APBB1: variants seen among roughly 807,000 people sequenced by gnomAD.
The protein encoded by APBB1 is adaptor protein FE65a2.
APBB1 carries 22 observed loss-of-function variants against 78.4 expected under a neutral mutation model. The observed-to-expected ratio is 0.28, with a 90% CI of 0.20 to 0.40. The LOEUF (loss-of-function observed/expected upper bound fraction) is 0.40. APBB1 is among the 10% of genes least tolerant of loss of function. The pLI is 1.00. For synonymous variants in APBB1, 369 were observed against 372.7 expected, an observed-to-expected ratio of 0.99 and a Z score of 0.12; for missense variants, 749 against 932.4, an observed-to-expected ratio of 0.80 and a Z score of 2.56.
At chr11:6,418,233 A>G (rs1849169834) in intron 1 of APBB1, among the ~76,000 whole-genome samples, 1 of 152,196 alleles carries the variant, frequency 6.6e-6, no homozygotes, top group Non-Finnish European at 1.5e-5. Flanking sequence ...CCCACCGAAT[A>G]CTACTCAAAG....
intron 1 of APBB1, among the ~76,000 whole-genome samples, chr11:6,414,806 C>A (rs1849079807): frequency 6.6e-6 from 1 of 152,142 alleles, no homozygotes; most frequent in Admixed American, 6.5e-5. Flanking sequence ...ACGACTCTGC[C>A]ATGCTCAGAG....
chr11:6,414,908 G>A (rs980880399), intron 1 of APBB1, among the ~76,000 whole-genome samples: 4 of 152,204 alleles, frequency 2.6e-5, no homozygotes, highest in African/African-American at 9.7e-5. Flanking sequence ...CTAGGCACTA[G>A]GAGATATGAT....
rs1362304707 is a variant in APBB1 at position 6,403,091 on chromosome 11, G to A, written c.1104+54C>T. ...CCCTCAGAGCACAACATTAGGGGCT[G>A]TCTGACAAATAAGAGGGCCCCAGAC... is the stretch of plus-strand genomic sequence containing the variant. On this transcript the variant is annotated intron_variant, in intron 6 of 14. Coordinates refer to ENST00000609360, the MANE Select transcript of APBB1 (RefSeq NM_001164.5). The surrounding 1 kb of genome is among the most constrained non-coding windows in gnomAD (Gnocchi z 5.3). The A allele has an allele frequency of 6.6e-7, 1 of 1,523,324 alleles. No individual in the cohort carries two copies. The highest frequency in any genetic ancestry group is 1.4e-5 in the African/African-American group (1 of 72,342). 94.4% of individuals were successfully genotyped at this position (1,523,324 alleles called of 1,614,324 possible).
Position 6,401,847 on chromosome 11 carries a change from C to A in APBB1, c.1388+130G>T. 6.9e-7 allele frequency: 1 copy of A among 1,450,176 alleles called. No homozygotes were observed. Among genetic ancestry groups the A allele is most frequent in the African/African-American group, 1.4e-5 (1 of 71,652 alleles). The allele number at this position is 1,450,176 out of a possible 1,614,324, so 89.8% of individuals were successfully genotyped here. ...TGCCTTCTTGGGGGGGAGGGGTAGA[C>A]AGGCAAGCATGCTGAGGTGGAGGGT... On this transcript the variant is annotated intron_variant, in intron 9 of 14. Coordinates refer to ENST00000609360, the MANE Select transcript of APBB1 (RefSeq NM_001164.5). The surrounding 1 kb of genome is among the most constrained non-coding windows in gnomAD (Gnocchi z 4.5).
Position 6,401,613 on chromosome 11 carries a change from G to A in APBB1, c.1464C>T (p.Ala488=). The A allele has an allele frequency of 6.2e-7, 1 of 1,614,172 alleles. No individual in the cohort carries two copies. The highest frequency in any genetic ancestry group is 8.5e-7 in the Non-Finnish European group (1 of 1,180,038). Residue 488 remains alanine, a synonymous_variant, in exon 10 of 15, where the codon GCC becomes GCT. Transcript: ENST00000609360. The surrounding 1 kb of genome is among the most constrained non-coding windows in gnomAD (Gnocchi z 4.5). The stretch of plus-strand genomic sequence containing the variant: ...CATGCAGGCTGGTGGCGATGTTCTT[G>A]GCAGGTGCCTCACAGCGAAACACGT... ...KCHVFRCEAP[A]KNIATSLHEI... is the part of the protein sequence containing the mutation.
At position 6,401,355 on chromosome 11, in the gene APBB1, G is replaced by T; in HGVS notation, c.1578C>A (p.Val526=). 6.2e-7 allele frequency: 1 copy of T among 1,614,150 alleles called. No individual in the cohort carries two copies. Among genetic ancestry groups the T allele is most frequent in the Non-Finnish European group, 8.5e-7 (1 of 1,180,048 alleles). Residue 526 remains valine, a synonymous_variant, in exon 11 of 15, where the codon GTC becomes GTA. Coordinates refer to ENST00000609360, the MANE Select transcript of APBB1 (RefSeq NM_001164.5). The surrounding 1 kb of genome is among the most constrained non-coding windows in gnomAD (Gnocchi z 4.5). ...GGTTTTGACACTGACCTTGGAAAGG[G>T]ACATCCACAAGTTTAGAGTGGTCCA... ...LSLDHSKLVD[V]PFQVEFPAPK...
rs139929849 is a variant in APBB1 at position 6,403,695 on chromosome 11, G to A, written c.849C>T (p.Pro283=). The A allele has an allele frequency of 4.3e-5, 69 of 1,608,068 alleles. No homozygotes were observed. The highest frequency in any genetic ancestry group is 5.2e-5 in the Non-Finnish European group (61 of 1,176,342). ...TCCCCTGTGAGGGGGAGGCCCGGCC[G>A]GGGGGTTCCCACTGGGTGGTCCCTG... ...IPTGTTQWEP[P]GRASPSQGSS... is the part of the protein sequence containing the mutation. The change falls in exon 3 of 15, where the codon CCC becomes CCT. Residue 283 remains proline, a synonymous_variant. Coordinates refer to ENST00000609360, the MANE Select transcript of APBB1 (RefSeq NM_001164.5). This position sits in a 1 kb window ranked among gnomAD's most constrained non-coding sequence, Gnocchi z 5.3.
At chr11:6,419,134 G>A (rs1849196433), upstream of APBB1, 1 of 362,254 alleles carries the variant, frequency 2.8e-6, no homozygotes, top group Non-Finnish European at 4.9e-6. Flanking sequence ...CGCGCAAGGG[G>A]AGGGGGAGGG....
At chr11:6,406,591 G>A (rs1848809171) in intron 2 of APBB1, among the ~76,000 whole-genome samples, 1 of 152,044 alleles carries the variant, frequency 6.6e-6, no homozygotes, top group African/African-American at 2.4e-5. Context: ...TTCCTCCCCA[G>A]GTTTTATGTG....
chr11:6,399,648 C>T (rs911781180), intron 12 of APBB1, among the ~76,000 whole-genome samples: 1 of 152,222 alleles, frequency 6.6e-6, no homozygotes, highest in Non-Finnish European at 1.5e-5. Context: ...TAACAGTCCC[C>T]TCCATGAAAT....
rs760718122 is a variant in APBB1, at chr11:6,402,002, A to G, written c.1383-20T>C. On this transcript the variant is annotated intron_variant, in intron 8 of 14. Transcript: ENST00000609360. ...CTCTCTCTGGGTCCAGCAGCACAAG[A>G]GAGGCAAATAACAGAGTTAGAGAGG... 5 of 1,586,274 alleles carry G rather than the reference A, an allele frequency of 3.2e-6. No homozygotes were observed. In the South Asian group the frequency reaches 5.7e-5, roughly 18 times the overall value.
At chr11:6,402,006 G>A (rs1848542638) in intron 8 of APBB1, 24 bp from the exon 9 acceptor site, 1 of 1,588,876 alleles carries the variant, frequency 6.3e-7, no homozygotes, top group Admixed American at 1.7e-5. Flanking sequence ...CACAAGAGAG[G>A]CAAATAACAG....
intron 1 of APBB1, among the ~76,000 whole-genome samples, chr11:6,417,032 T>C (rs377565698): frequency 8.6e-4 from 131 of 152,284 alleles, no homozygotes; most frequent in African/African-American, 2.8e-3. Flanking sequence ...GCGTGAGCCA[T>C]CACGCCTGGC....
rs1303992016 is a variant in APBB1, at chr11:6,411,484, T to C, written c.-14-123A>G. On this transcript the variant is annotated intron_variant, in intron 1 of 14. Transcript: ENST00000609360. The surrounding 1 kb of genome is among the most constrained non-coding windows in gnomAD (Gnocchi z 5.2). ...CCTGCACTAAGCAGGCTAGCACCCA[T>C]GGCTCTCTATCCTATGAGAATGACT... 2 of 800,074 alleles carry C rather than the reference T, an allele frequency of 2.5e-6. No homozygotes were observed. The highest frequency in any genetic ancestry group is 3.8e-6 in the Non-Finnish European group (2 of 522,162). The allele number at this position is 800,074 out of a possible 1,614,324, so 49.6% of individuals were successfully genotyped here.
chr11:6,401,131 C>A lies in APBB1; in HGVS notation c.1589-59G>T. The A allele has an allele frequency of 7.4e-6, 12 of 1,614,108 alleles. No homozygotes were observed. Among genetic ancestry groups the A allele is most frequent in the South Asian group, 1.1e-5 (1 of 91,054 alleles). On this transcript the variant is annotated intron_variant, in intron 11 of 14. Transcript: ENST00000609360. The surrounding 1 kb of genome is among the most constrained non-coding windows in gnomAD (Gnocchi z 4.5). ...CAGACCTTGCTCACCCGCAGCCCCA[C>A]CAGCAGGGCATAAGCTGGACACTTG...
intron 2 of APBB1, among the ~76,000 whole-genome samples, chr11:6,407,909 A>G (rs1848855020): frequency 6.6e-6 from 1 of 151,516 alleles, no homozygotes; most frequent in Admixed American, 6.6e-5. Flanking sequence ...CCTCCCGAGT[A>G]GCTGGGACTA....
chr11:6,395,585 C>A lies in APBB1; in HGVS notation c.2082G>T (p.Gln694His), dbSNP rs767793385. The change falls in exon 15 of 15, where the codon CAG becomes CAT. Residue 694 changes from glutamine (Q) to histidine (H), a missense_variant. Physicochemically the swap from Gln to His is conservative, Grantham distance 24 (BLOSUM62 0). Coordinates refer to ENST00000609360, the MANE Select transcript of APBB1 (RefSeq NM_001164.5). The surrounding 1 kb of genome is among the most constrained non-coding windows in gnomAD (Gnocchi z 5.2). ...RVGWTVRRGV[Q>H]SLWGSLKPKR... Reference sequence around the variant, plus strand: ...TGGGCTTCAGGGAGCCCCACAGCGACTGAACACCCCTGCGGACAGTCCACC... The same window carrying A: ...TGGGCTTCAGGGAGCCCCACAGCGAATGAACACCCCTGCGGACAGTCCACC... The A allele has an allele frequency of 1.7e-5, 27 of 1,585,170 alleles. No homozygotes were observed. The highest frequency in any genetic ancestry group is 7.1e-5 in the Admixed American group (4 of 56,262).
chr11:6,409,912 C>G (rs1459097574), intron 2 of APBB1, among the ~76,000 whole-genome samples: 1 of 152,180 alleles, frequency 6.6e-6, no homozygotes, highest in African/African-American at 2.4e-5. Context: ...TAGTCAATAT[C>G]CTACTCCTGA....
chr11:6,409,306 C>T (rs747182080), intron 2 of APBB1, among the ~76,000 whole-genome samples: 27 of 151,978 alleles, frequency 1.8e-4, no homozygotes, highest in Non-Finnish European at 3.5e-4. Flanking sequence ...AACTCTTGGG[C>T]TCAAGCAATC....
Sources: gnomAD v4.1 joint callset for allele counts (sites outside exome capture counted in the v4.1 genomes callset) on GRCh38, gnomAD v4.1.1 for gene constraint, Gnocchi (gnomAD v3.1) non-coding constraint, MANE v1.5 for transcripts, NCBI Gene and HGNC (gene_info 2026-07-23, HGNC 2026-07-21) for gene names.